GREB1: variants seen among roughly 807,000 people sequenced by gnomAD.
GREB1 encodes the protein protein GREB1.
GREB1 carries 106 observed loss-of-function variants against 200.7 expected under a neutral mutation model. That is an observed-to-expected ratio of 0.53 (90% CI 0.45 to 0.62). The LOEUF (loss-of-function observed/expected upper bound fraction) is 0.62. GREB1 is among the 20% of genes least tolerant of loss of function. The probability of loss-of-function intolerance (pLI) is 0.00; values close to 1 mark genes in which losing one functional copy is unlikely to be tolerated. For synonymous variants in GREB1, 1,132 were observed against 1,092.4 expected (o/e 1.04, Z -0.72); for missense variants, 2,243 against 2,556.8 (o/e 0.88, Z 2.65).
chr2:11,572,388 G>A (rs1314564448), intron 4 of GREB1, among the ~76,000 whole-genome samples: 1 of 152,212 alleles, frequency 6.6e-6, no homozygotes, highest in African/African-American at 2.4e-5. Context: ...CAGAGGGAGT[G>A]GCCCCAGCAG....
chr2:11,527,078 A>G (rs573196345), intron 1 of GREB1, among the ~76,000 whole-genome samples: 2 of 152,298 alleles, frequency 1.3e-5, no homozygotes, highest in African/African-American at 2.4e-5. Flanking sequence ...AGATAGCCCA[A>G]TTCAATGTAT....
At chr2:11,533,780 G>T (rs925668194), upstream of GREB1, among the ~76,000 whole-genome samples, 5 of 152,174 alleles carry the variant, frequency 3.3e-5, no homozygotes, top group Admixed American at 3.3e-4. Flanking sequence ...TTCTAAACTA[G>T]AATCTGCACA....
At chr2:11,634,878 A>G (rs992567836) in intron 29 of GREB1, among the ~76,000 whole-genome samples, 1 of 152,158 alleles carries the variant, frequency 6.6e-6, no homozygotes, top group Non-Finnish European at 1.5e-5. Context: ...TCCAAGCCCT[A>G]TTCTTCTTAG....
intron 5 of GREB1, among the ~76,000 whole-genome samples, chr2:11,576,992 G>A (rs1000855155): frequency 6.6e-6 from 1 of 151,930 alleles, no homozygotes; most frequent in African/African-American, 2.4e-5. Context: ...CTGAGATGGT[G>A]CCACTGCACT....
In GREB1 at chr2:11,608,207, C is replaced by G. The variant is rs1411203881; in HGVS notation, c.2667-2481C>G. ...ATTCAGGGTCTAGTTTATTTTCTAT[C>G]TACGACATTGAAGATTTCATCTCTA... On this transcript the variant is annotated intron_variant, in intron 17 of 32. Transcript: ENST00000381486. Among the ~76,000 whole-genome samples the G allele has an allele frequency of 2.0e-5, 3 of 152,206 alleles. No individual in the cohort carries two copies. The East Asian group carries it at 5.8e-4, about 29-fold the overall frequency.
At chr2:11,489,289 T>TACAAAAATTAGCC (rs1346772552) in intron 1 of GREB1, among the ~76,000 whole-genome samples, 1 of 151,908 alleles carries the variant, frequency 6.6e-6, no homozygotes, top group African/African-American at 2.4e-5. Context: ...CTACTGAAAA[T>TACAAAAATTAGCC]ACAAAAATTA....
chr2:11,596,542 G>GAA (rs1681245060), intron 13 of GREB1, among the ~76,000 whole-genome samples: 1 of 67,274 alleles, frequency 1.5e-5, no homozygotes, highest in African/African-American at 7.4e-5. Context: ...TGAGGGGGTG[G>GAA]GGGCACAGGT....
At chr2:11,488,714 T>C (rs6432203) in intron 1 of GREB1, among the ~76,000 whole-genome samples, 147,994 of 150,292 alleles carry the variant, frequency 0.98, 72,908 homozygotes, top group Non-Finnish European at 1. Flanking sequence ...TGGCTTGAAT[T>C]TGGGACGTGG....
intron 1 of GREB1, among the ~76,000 whole-genome samples, chr2:11,543,805 C>G (rs543778034): frequency 1.3e-5 from 2 of 152,104 alleles, no homozygotes; most frequent in African/African-American, 4.8e-5. Flanking sequence ...TCGTGGGCCT[C>G]GGTGTCCATG....
chr2:11,618,399 A>G lies in GREB1; in HGVS notation c.3524A>G (p.Glu1175Gly). Residue 1175 changes from glutamate to glycine, a missense_variant, in exon 22 of 33, where the codon GAG becomes GGG. Around this residue, in one of 3 missense-constraint regions of GREB1, gnomAD observed 587 missense variants for 553.1 expected, o/e 1.06. Coordinates refer to ENST00000381486, the MANE Select transcript of GREB1 (RefSeq NM_014668.4). ...GPAEEGRAPG[E>G]KQRPRASQGP... ...GCAGAGGAGGGCAGAGCCCCTGGTG[A>G]GAAACAGAGGCCCCGGGCAAGTCAG... is the stretch of plus-strand genomic sequence containing the variant. 3 of 1,611,392 alleles carry G rather than the reference A, an allele frequency of 1.9e-6. No individual in the cohort carries two copies. Among genetic ancestry groups the G allele is most frequent in the South Asian group, 1.1e-5 (1 of 90,840 alleles).
At chr2:11,591,922 C>T (rs1314174077) in intron 10 of GREB1, 1 of 786,406 alleles carries the variant, frequency 1.3e-6, no homozygotes, top group Non-Finnish European at 1.5e-6. Context: ...AATGCAAGAC[C>T]CAAAGTTTAT....
At chr2:11,587,663 G>A (rs1172244628) in intron 9 of GREB1, 14 of 1,342,890 alleles carry the variant, frequency 1.0e-5, no homozygotes, top group Non-Finnish European at 1.2e-5. Context: ...TATATTTTTG[G>A]TGACTAAATG....
At position 11,548,559 on chromosome 2, in the gene GREB1, T is replaced by C. The variant is rs1675515523; in HGVS notation, c.-161-7895T>C. 6.6e-6 allele frequency among the ~76,000 whole-genome samples: 1 copy of C among 152,222 alleles called. No individual in the cohort carries two copies. ...TCAATAATACATCCCCATATTCTGA[T>C]AGAACTTGTAAACTCCTTTCAATAT... On this transcript the variant is annotated intron_variant, in intron 1 of 32. Coordinates refer to ENST00000381486, the MANE Select transcript of GREB1 (RefSeq NM_014668.4). The surrounding 1 kb of genome is among the most constrained non-coding windows in gnomAD (Gnocchi z 5.1).
chr2:11,568,281 G>A (rs891979992), intron 4 of GREB1, among the ~76,000 whole-genome samples: 3 of 152,220 alleles, frequency 2.0e-5, no homozygotes, highest in African/African-American at 7.2e-5. Context: ...TGCAAAGGAT[G>A]AAGAATGGAG....
chr2:11,497,799 G>A (rs1433295181), intron 1 of GREB1, among the ~76,000 whole-genome samples: 1 of 151,294 alleles, frequency 6.6e-6, no homozygotes, highest in African/African-American at 2.4e-5. Flanking sequence ...CATGTCTTTC[G>A]CCCATTTTCT....
chr2:11,604,072 C>T (rs1682030770), intron 17 of GREB1, among the ~76,000 whole-genome samples: 1 of 152,176 alleles, frequency 6.6e-6, no homozygotes, highest in Non-Finnish European at 1.5e-5. Flanking sequence ...TGGGCTGTGA[C>T]CACCATGCCA....
chr2:11,618,888 C>T lies in GREB1; in HGVS notation c.4013C>T (p.Pro1338Leu), dbSNP rs1379462157. The T allele has an allele frequency of 1.3e-6, 2 of 1,554,194 alleles. No homozygotes were observed. The highest frequency in any genetic ancestry group is 1.7e-6 in the Non-Finnish European group (2 of 1,155,320). The change falls in exon 22 of 33, where the codon CCC becomes CTC. Residue 1338 changes from proline (P) to leucine (L), a missense_variant. Transcript: ENST00000381486. ...RAEGRVDGFH[P>L]RRLLLSGPPQ... Reference sequence around the variant, plus strand: ...GAGGGCCGCGTGGACGGCTTCCACCCCCGCAGGCTGCTGCTCAGCGGCCCC... The same window carrying T: ...GAGGGCCGCGTGGACGGCTTCCACCTCCGCAGGCTGCTGCTCAGCGGCCCC...
intron 1 of GREB1, among the ~76,000 whole-genome samples, chr2:11,525,529 C>T (rs1216086102): frequency 6.7e-6 from 1 of 149,340 alleles, no homozygotes; most frequent in African/African-American, 2.5e-5. Flanking sequence ...GCATTCAGGT[C>T]ATATTCTCTT....
At position 11,615,083 on chromosome 2, in the gene GREB1, C is replaced by A; in HGVS notation, c.3123-8C>A. 2 of 1,609,624 alleles carry A rather than the reference C, an allele frequency of 1.2e-6. No individual in the cohort carries two copies. Among genetic ancestry groups the A allele is most frequent in the South Asian group, 2.2e-5 (2 of 90,916 alleles). ...ACTAAACAGACACCTTCTTCTGTGT[C>A]TTGCTAGGTCTTTGAGGTACTGTGA... On this transcript the variant is annotated splice_region_variant and splice_polypyrimidine_tract_variant and intron_variant, in intron 19 of 32. Coordinates refer to ENST00000381486, the MANE Select transcript of GREB1 (RefSeq NM_014668.4).
Sources: allele counts gnomAD v4.1 joint callset (sites outside exome capture counted in the v4.1 genomes callset), GRCh38; gene constraint gnomAD v4.1.1; regional missense constraint gnomAD v4.1.1; non-coding constraint Gnocchi (gnomAD v3.1); transcripts MANE v1.5; gene names NCBI Gene and HGNC (gene_info 2026-07-23, HGNC 2026-07-21).